AGRN: variants seen among roughly 807,000 people sequenced by gnomAD.
AGRN encodes the protein agrin proteoglycan.
Under a neutral mutation model 211.0 loss-of-function variants are expected in AGRN, and 106 were observed. The ratio of observed to expected loss-of-function variants is 0.50; its 90% CI spans 0.43 to 0.59. AGRN has a LOEUF of 0.59. Ranked by LOEUF, AGRN falls within the 20% of genes least tolerant of loss-of-function variation. The pLI is 0.00. For synonymous variants in AGRN, 1,525 were observed against 1,332.5 expected (o/e 1.14, Z -3.15); for missense variants, 3,040 against 2,982.6 (o/e 1.02, Z -0.45).
intron 2 of AGRN, among the ~76,000 whole-genome samples, chr1:1,025,679 G>C (rs1430791750): frequency 1.3e-5 from 2 of 151,772 alleles, no homozygotes; most frequent in South Asian, 2.1e-4. Flanking sequence ...GTCTGGGCTC[G>C]AGGCTGCTGC....
chr1:1,055,241 G>A lies in AGRN; in HGVS notation c.*260G>A, dbSNP rs1262163286. 5.6e-5 allele frequency: 31 copies of A among 553,220 alleles called. No homozygotes were observed. In the East Asian group the frequency reaches 8.7e-4, roughly 16 times the overall value. The allele number at this position is 553,220 out of a possible 1,614,324, so 34.3% of individuals were successfully genotyped here. ...GTGCTGAGCCCCCGCCTTGCACTGC[G>A]CCTGCCCCACGGTGTCCCCGCCGGG... On this transcript the variant is annotated 3_prime_UTR_variant, in exon 36 of 36. Transcript: ENST00000379370.
chr1:1,047,537 G>T (rs1164822296), intron 20 of AGRN, 36 bp from the exon 21 acceptor site: 9 of 1,612,376 alleles, frequency 5.6e-6, no homozygotes, highest in Non-Finnish European at 7.6e-6. Context: ...CCCGGCTTGG[G>T]CGGCCCCCCA....
rs1644680952 is a variant in AGRN, at chr1:1,031,738, G to T, written c.464-3539G>T. 6.6e-6 allele frequency among the ~76,000 whole-genome samples: 1 copy of T among 152,176 alleles called. No individual in the cohort carries two copies. The highest frequency in any genetic ancestry group is 1.5e-5 in the Non-Finnish European group (1 of 68,018). ...GCCCCCTCTGCCAGCCCGTACCTGG[G>T]GCTCCCCCACCCCTCCCACATTGTG... is the stretch of plus-strand genomic sequence containing the variant. On this transcript the variant is annotated intron_variant, in intron 2 of 35. Coordinates refer to ENST00000379370, the MANE Select transcript of AGRN (RefSeq NM_198576.4). This position sits in a 1 kb window ranked among gnomAD's most constrained non-coding sequence, Gnocchi z 4.8.
At chr1:1,044,483 G>A (rs772918120) in intron 12 of AGRN, 44 bp downstream of exon 12, 62 of 1,559,418 alleles carry the variant, frequency 4.0e-5, no homozygotes, top group Non-Finnish European at 4.8e-5. Flanking sequence ...GCGGGGCGGC[G>A]TCTGGGTTTC....
chr1:1,051,424 C>A, intron 31 of AGRN, 29 bp from the exon 32 acceptor site: 1 of 1,541,096 alleles, frequency 6.5e-7, no homozygotes, highest in East Asian at 2.4e-5. Context: ...GGGTGGCAGG[C>A]GGGACAAGGC....
intron 30 of AGRN, 24 bp from the exon 31 acceptor site, chr1:1,051,228 AG>A: frequency 6.3e-7 from 1 of 1,575,302 alleles, no homozygotes; most frequent in Non-Finnish European, 8.6e-7. Flanking sequence ...GGCTCTGCAC[AG>A]CCACTTACCT....
At position 1,042,079 on chromosome 1, in the gene AGRN, G is replaced by T. The variant is rs758854920; in HGVS notation, c.1301G>T (p.Arg434Leu). ...AYRPVCAQDG[R>L]TYDSDCWRQQ... ...AGGCCCGTGTGTGCCCAGGACGGGCGCACGTATGACAGTGATTGCTGGCGG... is the reference window on the plus strand; with the variant it reads ...AGGCCCGTGTGTGCCCAGGACGGGCTCACGTATGACAGTGATTGCTGGCGG... Residue 434 changes from arginine (R) to leucine (L), a missense_variant, in exon 7 of 36, where the codon CGC becomes CTC. This residue lies in a region of AGRN where 1,498 missense variants were observed against 1,457.8 expected (regional missense o/e 1.03). Coordinates refer to ENST00000379370, the MANE Select transcript of AGRN (RefSeq NM_198576.4). The T allele has an allele frequency of 8.7e-6, 14 of 1,605,900 alleles. No individual in the cohort carries two copies. The South Asian group carries it at 1.4e-4, about 16-fold the overall frequency.
At chr1:1,044,587 G>A in intron 12 of AGRN, 148 bp downstream of exon 12, 1 of 857,944 alleles carries the variant, frequency 1.2e-6, no homozygotes, top group Non-Finnish European at 1.8e-6. Context: ...GTTGGTGCCT[G>A]TGCACATTTG....
chr1:1,049,718 A>C lies in AGRN; in HGVS notation c.4667A>C (p.Asn1556Thr). The change falls in exon 26 of 36, where the codon AAC becomes ACC. Residue 1556 changes from asparagine to threonine, a missense_variant. Asn to Thr is a moderately conservative substitution (Grantham distance 65). Transcript: ENST00000379370. ...TGCGGGGACCACCCCTGCCTGCCCA[A>C]CCCCTGCCATGGCGGGGCCCCATGC... ...GECGDHPCLP[N>T]PCHGGAPCQN... 6.3e-7 allele frequency: 1 copy of C among 1,582,340 alleles called. No individual in the cohort carries two copies.
At chr1:1,022,898 G>C (rs1291693353) in intron 2 of AGRN, among the ~76,000 whole-genome samples, 1 of 152,226 alleles carries the variant, frequency 6.6e-6, no homozygotes, top group Non-Finnish European at 1.5e-5. Context: ...GCTGTGCGGC[G>C]AGGGCTTCTG....
intron 7 of AGRN, 113 bp downstream of exon 7, chr1:1,042,275 G>C: frequency 7.6e-7 from 1 of 1,322,130 alleles, no homozygotes; most frequent in East Asian, 2.5e-5. Flanking sequence ...CCTGGGAGTG[G>C]GCCGGTCCCT....
chr1:1,043,167 C>T (rs555493563), intron 7 of AGRN, 72 bp from the exon 8 acceptor site: 186 of 1,495,620 alleles, frequency 1.2e-4, no homozygotes, highest in Middle Eastern at 1.2e-3. Flanking sequence ...GGGACTGCTG[C>T]GTGGGGCTGG....
intron 2 of AGRN, chr1:1,034,388 G>C (rs551358727): frequency 2.0e-6 from 2 of 985,576 alleles, no homozygotes; most frequent in African/African-American, 3.5e-5. Context: ...GACTGGAGCC[G>C]GGACCTGGCA....
At chr1:1,020,713 G>T (rs1242108878) in intron 1 of AGRN, among the ~76,000 whole-genome samples, 1 of 152,184 alleles carries the variant, frequency 6.6e-6, no homozygotes, top group Non-Finnish European at 1.5e-5. Context: ...GGGAGCGGGG[G>T]CTGGGCCTGG....
rs756489447 is a variant in AGRN at position 1,046,541 on chromosome 1, C to T, written c.3056C>T (p.Pro1019Leu). The T allele has an allele frequency of 3.9e-5, 63 of 1,610,478 alleles. No homozygotes were observed. The South Asian group carries it at 5.2e-4, about 13-fold the overall frequency. Residue 1019 changes from proline (P) to leucine (L), a missense_variant, in exon 18 of 36, where the codon CCG (proline) becomes CTG (leucine). Pro to Leu is a moderately conservative substitution (Grantham distance 98). Around this residue, in one of 3 missense-constraint regions of AGRN, gnomAD observed 1,537 missense variants for 1,505.0 expected, o/e 1.02. Transcript: ENST00000379370. ...ACCGCACACAGCCAGACCACCCCTCCGCCCTCATCACGACCTCGGACCACT... is the reference window on the plus strand; with the variant it reads ...ACCGCACACAGCCAGACCACCCCTCTGCCCTCATCACGACCTCGGACCACT... ...SSTAHSQTTPPPSSRPRTTAS... is the reference protein window; with the variant it reads ...SSTAHSQTTPLPSSRPRTTAS...
chr1:1,049,618 C>A lies in AGRN; in HGVS notation c.4567C>A (p.Leu1523Met). 6.3e-7 allele frequency: 1 copy of A among 1,591,526 alleles called. No individual in the cohort carries two copies. Among genetic ancestry groups the A allele is most frequent in the Non-Finnish European group, 8.5e-7 (1 of 1,170,092 alleles). ...CGGCCTGAGGGGGTGCATCCGTTTG[C>A]TGGACGTCAACAACCAGCGCCTGGA... Reference protein sequence around the residue: ...GAGLRGCIRLLDVNNQRLELG... With the variant: ...GAGLRGCIRLMDVNNQRLELG... Residue 1523 changes from leucine (L) to methionine (M), a missense_variant, in exon 26 of 36, where the codon CTG becomes ATG. By Grantham distance (15) the Leu-to-Met change is conservative. Coordinates refer to ENST00000379370, the MANE Select transcript of AGRN (RefSeq NM_198576.4).
intron 35 of AGRN, 68 bp downstream of exon 35, chr1:1,054,619 C>A: frequency 6.6e-7 from 1 of 1,518,976 alleles, no homozygotes; most frequent in Non-Finnish European, 8.9e-7. Context: ...ACAGACTCCA[C>A]CCCCCAGCGC....
chr1:1,044,090 C>G lies in AGRN; in HGVS notation c.2000-19C>G, dbSNP rs1645023995. On this transcript the variant is annotated intron_variant, in intron 10 of 35. Coordinates refer to ENST00000379370, the MANE Select transcript of AGRN (RefSeq NM_198576.4). ...TTGGACAAGAAGCCCCTGGGTGACTCTGCTCCCCTTCCCCGCAGCCGAGTG... is the reference window on the plus strand; with the variant it reads ...TTGGACAAGAAGCCCCTGGGTGACTGTGCTCCCCTTCCCCGCAGCCGAGTG... The G allele has an allele frequency of 6.2e-7, 1 of 1,613,158 alleles. No individual in the cohort carries two copies. The highest frequency in any genetic ancestry group is 8.5e-7 in the Non-Finnish European group (1 of 1,179,916).
chr1:1,026,127 C>A lies in AGRN; in HGVS notation c.463+3665C>A, dbSNP rs547434862. 4.5e-4 allele frequency among the ~76,000 whole-genome samples: 69 copies of A among 152,084 alleles called. 1 individual carries two copies. The highest frequency in any genetic ancestry group is 1.5e-3 in the African/African-American group (64 of 41,462). ...AAGGAACTCTTGGCTTTTTCCAGAC[C>A]CCACCCCACTCCCTCACTCCCCACC... On this transcript the variant is annotated intron_variant, in intron 2 of 35. Transcript: ENST00000379370.
Sources: allele counts gnomAD v4.1 joint callset (sites outside exome capture counted in the v4.1 genomes callset), GRCh38; gene constraint gnomAD v4.1.1; regional missense constraint gnomAD v4.1.1; non-coding constraint Gnocchi (gnomAD v3.1); transcripts MANE v1.5; gene names NCBI Gene and HGNC (gene_info 2026-07-23, HGNC 2026-07-21).